Variants in SLC35F1 observed in about 807,000 individuals in gnomAD.
SLC35F1 encodes the protein chromosome 6 open reading frame 169.
In SLC35F1, 14 loss-of-function variants were observed where a neutral mutation model predicts 48.7. The ratio of observed to expected loss-of-function variants is 0.29; its 90% CI spans 0.19 to 0.45. SLC35F1 has a LOEUF of 0.45. Among genes scored for constraint, SLC35F1 ranks in the 20% least tolerant of loss-of-function variants. The pLI, the probability that SLC35F1 is intolerant of heterozygous loss-of-function variation, is 1.00. For synonymous variants in SLC35F1, 190 were observed against 202.2 expected (o/e 0.94, Z 0.51); for missense variants, 404 against 500.0 (o/e 0.81, Z 1.83).
intron 3 of SLC35F1, among the ~76,000 whole-genome samples, chr6:118,258,552 G>A (rs2114611542): frequency 6.6e-6 from 1 of 152,088 alleles, no homozygotes; most frequent in South Asian, 2.1e-4. Flanking sequence ...TAAAAAATAT[G>A]GCAGTAAATT....
chr6:118,305,296 C>G (rs1776300050), intron 7 of SLC35F1, among the ~76,000 whole-genome samples: 1 of 151,450 alleles, frequency 6.6e-6, no homozygotes, highest in South Asian at 2.1e-4. Context: ...GGGTGAGGCT[C>G]ACCCCACCCA....
chr6:117,989,386 C>T (rs1385225687), intron 1 of SLC35F1, among the ~76,000 whole-genome samples: 3 of 152,198 alleles, frequency 2.0e-5, no homozygotes, highest in Admixed American at 2.0e-4. Flanking sequence ...CACTTGTAGC[C>T]TGTCAGATAA....
intron 7 of SLC35F1, among the ~76,000 whole-genome samples, chr6:118,300,719 T>C (rs1182268154): frequency 1.3e-5 from 2 of 152,338 alleles, no homozygotes; most frequent in East Asian, 1.9e-4. Flanking sequence ...ACTATTGTTA[T>C]ATTTAAGAAC....
intron 1 of SLC35F1, among the ~76,000 whole-genome samples, chr6:117,913,968 T>C (rs923234256): frequency 5.9e-5 from 9 of 151,964 alleles, no homozygotes; most frequent in Admixed American, 5.9e-4. Context: ...CGAGAACCAC[T>C]TGCACCCAGG....
At position 118,267,004 on chromosome 6, in the gene SLC35F1, T is replaced by C. The variant is rs757090028; in HGVS notation, c.487T>C (p.Cys163Arg). The C allele has an allele frequency of 6.2e-7, 1 of 1,613,974 alleles. No homozygotes were observed. The highest frequency in any genetic ancestry group is 8.5e-7 in the Non-Finnish European group (1 of 1,179,882). Residue 163 changes from cysteine (C) to arginine (R), a missense_variant, in exon 4 of 8, where the codon TGT becomes CGT. Physicochemically the swap from Cys to Arg is radical, Grantham distance 180. Coordinates refer to ENST00000360388, the MANE Select transcript of SLC35F1 (RefSeq NM_001029858.4). ...TTLTSIQLLD[C>R]FVIPVVILLS... ...TCATCCCTCCCAATAGCTCCTGGAC[T>C]GTTTTGTGATCCCAGTCGTGATTTT...
chr6:118,242,818 A>G (rs1775458041), intron 3 of SLC35F1, among the ~76,000 whole-genome samples: 1 of 152,190 alleles, frequency 6.6e-6, no homozygotes, highest in African/African-American at 2.4e-5. Flanking sequence ...ATAGTTTGGT[A>G]ATTAAAATTC....
At chr6:118,000,901 A>G (rs556647753) in intron 1 of SLC35F1, among the ~76,000 whole-genome samples, 1 of 152,326 alleles carries the variant, frequency 6.6e-6, no homozygotes, top group African/African-American at 2.4e-5. Context: ...GGGGACATGA[A>G]TGACCTCTTC....
At chr6:118,052,063 C>G (rs1158936273) in intron 1 of SLC35F1, among the ~76,000 whole-genome samples, 1 of 151,990 alleles carries the variant, frequency 6.6e-6, no homozygotes, top group Non-Finnish European at 1.5e-5. Flanking sequence ...CTTCATGACT[C>G]CAGGTGGTAA....
At chr6:118,228,591 G>A (rs1187128721) in intron 2 of SLC35F1, among the ~76,000 whole-genome samples, 1 of 152,046 alleles carries the variant, frequency 6.6e-6, no homozygotes, top group African/African-American at 2.4e-5. Context: ...CTACTTGGGA[G>A]GCTGAGGTGG....
chr6:118,285,011 G>A (rs1776032422), intron 6 of SLC35F1, among the ~76,000 whole-genome samples, 173 bp from the exon 7 acceptor site: 1 of 152,004 alleles, frequency 6.6e-6, no homozygotes, highest in Admixed American at 6.5e-5. Context: ...TTTTAATCTA[G>A]TTTAATTTTT....
intron 2 of SLC35F1, among the ~76,000 whole-genome samples, chr6:118,198,951 C>T (rs1245524211): frequency 6.6e-6 from 1 of 152,170 alleles, no homozygotes; most frequent in South Asian, 2.1e-4. Context: ...GACTCACAGA[C>T]AGCAAGAATC....
intron 1 of SLC35F1, among the ~76,000 whole-genome samples, chr6:117,976,387 G>A (rs1776706182): frequency 6.6e-6 from 1 of 152,100 alleles, no homozygotes; most frequent in Non-Finnish European, 1.5e-5. Context: ...ACAAATTTTA[G>A]GTTGTAAGAA....
chr6:117,944,324 G>A (rs1776267454), intron 1 of SLC35F1, among the ~76,000 whole-genome samples: 1 of 152,074 alleles, frequency 6.6e-6, no homozygotes, highest in African/African-American at 2.4e-5. Context: ...TCTGTGTGTA[G>A]GGAAGGGAAG....
chr6:118,290,750 C>A (rs535811750), intron 7 of SLC35F1, among the ~76,000 whole-genome samples: 34 of 151,974 alleles, frequency 2.2e-4, no homozygotes, highest in African/African-American at 7.5e-4. Context: ...ACTAAGAGGC[C>A]CCCAGGTTTC....
chr6:117,920,951 TTA>T (rs1299727161), intron 1 of SLC35F1, among the ~76,000 whole-genome samples: 3 of 152,036 alleles, frequency 2.0e-5, no homozygotes, highest in Admixed American at 6.6e-5. Context: ...ATATAATGTG[TTA>T]TATATGTTAT....
intron 1 of SLC35F1, among the ~76,000 whole-genome samples, chr6:118,085,995 A>G (rs1156486206): frequency 6.6e-6 from 1 of 152,166 alleles, no homozygotes; most frequent in African/African-American, 2.4e-5. Flanking sequence ...GAAACTCCAA[A>G]TAAAGCCAGA....
intron 2 of SLC35F1, among the ~76,000 whole-genome samples, chr6:118,166,907 T>C (rs1392223397): frequency 2.6e-5 from 4 of 152,212 alleles, no homozygotes; most frequent in Non-Finnish European, 4.4e-5. Flanking sequence ...AAGAGTTTTA[T>C]ACTTTTAGTT....
At chr6:117,938,494 G>A (rs1776187660) in intron 1 of SLC35F1, among the ~76,000 whole-genome samples, 1 of 152,202 alleles carries the variant, frequency 6.6e-6, no homozygotes, top group Non-Finnish European at 1.5e-5. Flanking sequence ...GCCTCCTCAT[G>A]CATTCTCTGC....
chr6:118,273,342 A>G (rs951563665), intron 4 of SLC35F1, among the ~76,000 whole-genome samples: 2 of 152,144 alleles, frequency 1.3e-5, no homozygotes, highest in African/African-American at 4.8e-5. Context: ...CTATTAAAAT[A>G]TTTCATTATG....
Sources: allele counts gnomAD v4.1 joint callset (sites outside exome capture counted in the v4.1 genomes callset), GRCh38; gene constraint gnomAD v4.1.1; transcripts MANE v1.5; gene names NCBI Gene and HGNC (gene_info 2026-07-23, HGNC 2026-07-21).